NR3C2: variants seen among roughly 807,000 people sequenced by gnomAD.
NR3C2 encodes the protein nuclear receptor subfamily 3 group C member 2, also known as mineralocorticoid receptor.
In NR3C2, 15 loss-of-function variants were observed where a neutral mutation model predicts 86.4. The observed-to-expected ratio is 0.17, with a 90% CI of 0.12 to 0.27. The LOEUF (loss-of-function observed/expected upper bound fraction) is 0.27. NR3C2 is among the 10% of genes least tolerant of loss of function. NR3C2 has a pLI of 1.00. For missense variants in NR3C2, 960 were observed against 1,195.6 expected (o/e 0.80, Z 2.91); for synonymous variants, 458 against 450.5 (o/e 1.02, Z -0.21).
chr4:148,223,128 C>A (rs924370521), intron 3 of NR3C2, among the ~76,000 whole-genome samples: 1 of 152,242 alleles, frequency 6.6e-6, no homozygotes, highest in South Asian at 2.1e-4. Flanking sequence ...GGTTCCAGCT[C>A]CACTTTCCAA....
intron 2 of NR3C2, among the ~76,000 whole-genome samples, chr4:148,315,317 C>T (rs1299993411): frequency 6.6e-6 from 1 of 152,086 alleles, no homozygotes; most frequent in East Asian, 1.9e-4. Flanking sequence ...ACCTGTCATG[C>T]AAAATGATCT....
intron 3 of NR3C2, among the ~76,000 whole-genome samples, chr4:148,257,421 T>C (rs905561804): frequency 2.0e-5 from 3 of 152,112 alleles, no homozygotes; most frequent in African/African-American, 7.2e-5. Context: ...TATGGCAAAA[T>C]AGCAAGGCTA....
chr4:148,226,411 G>C (rs1266160764), intron 3 of NR3C2, among the ~76,000 whole-genome samples: 1 of 152,140 alleles, frequency 6.6e-6, no homozygotes, highest in African/African-American at 2.4e-5. Context: ...AAGTTTTTAA[G>C]ATCTGGGTTG....
chr4:148,409,223 A>G (rs1748571074), intron 2 of NR3C2, among the ~76,000 whole-genome samples: 1 of 152,200 alleles, frequency 6.6e-6, no homozygotes, highest in African/African-American at 2.4e-5. Flanking sequence ...AAAGCAAACT[A>G]TTCTAAAAAT....
In NR3C2 at chr4:148,397,178, T is replaced by C. The variant is rs561420556; in HGVS notation, c.1757+37926A>G. Among the ~76,000 whole-genome samples the C allele has an allele frequency of 3.3e-5, 5 of 152,294 alleles. No homozygotes were observed. In the East Asian group the frequency reaches 7.7e-4, roughly 24 times the overall value. ...GGCCAGCAAAGACCAGCCCCCACCA[T>C]TTCCCCGTGACCTGCTGTTCTGACC... On this transcript the variant is annotated intron_variant, in intron 2 of 8. Transcript: ENST00000358102.
In NR3C2 at chr4:148,435,933, C is replaced by G. The variant is rs759125719; in HGVS notation, c.928G>C (p.Val310Leu). The G allele has an allele frequency of 3.1e-6, 5 of 1,614,190 alleles. No individual in the cohort carries two copies. Among genetic ancestry groups the G allele is most frequent in the Non-Finnish European group, 1.7e-6 (2 of 1,180,030 alleles). Residue 310 changes from valine to leucine, a missense_variant, in exon 2 of 9, where the codon GTT (valine) becomes CTT (leucine). Val to Leu is a conservative substitution (Grantham distance 32). Coordinates refer to ENST00000358102, the MANE Select transcript of NR3C2 (RefSeq NM_000901.5). ...TTATTAGTGTTCGAAGGGCTGGAAACAGAGCACCTTGAGTTGTTAATATTT... is the reference window on the plus strand; with the variant it reads ...TTATTAGTGTTCGAAGGGCTGGAAAGAGAGCACCTTGAGTTGTTAATATTT... ...PANINNSRCS[V>L]SSPSNTNNRS...
intron 4 of NR3C2, among the ~76,000 whole-genome samples, chr4:148,193,328 G>C (rs930751753): frequency 1.3e-5 from 2 of 152,206 alleles, no homozygotes; most frequent in African/African-American, 4.8e-5. Context: ...ACAGTAACTG[G>C]GGTGTCTCCC....
At chr4:148,272,153 T>G (rs756408056) in intron 2 of NR3C2, among the ~76,000 whole-genome samples, 38 of 152,184 alleles carry the variant, frequency 2.5e-4, no homozygotes, top group Non-Finnish European at 4.0e-4. Context: ...TATTCTAGTA[T>G]GAGGGAATAG....
rs1743720028 is a variant in NR3C2, at chr4:148,323,139, T to C, written c.1758-63022A>G. Among the ~76,000 whole-genome samples the C allele has an allele frequency of 4.7e-5, 7 of 150,160 alleles. 1 individual carries two copies. The South Asian group carries it at 1.3e-3, about 28-fold the overall frequency. ...GCAGGTCTGTTGGAATACCCTGCCC[T>C]GTGAGGTGTCAGTGTGCCTCTGCTG... On this transcript the variant is annotated intron_variant, in intron 2 of 8. Coordinates refer to ENST00000358102, the MANE Select transcript of NR3C2 (RefSeq NM_000901.5).
At chr4:148,382,125 T>C (rs755402964) in intron 2 of NR3C2, among the ~76,000 whole-genome samples, 1 of 152,222 alleles carries the variant, frequency 6.6e-6, no homozygotes, top group Non-Finnish European at 1.5e-5. Flanking sequence ...CATGGCTGAC[T>C]GAGGACAAGG....
At chr4:148,111,857 G>T (rs1732061011) in intron 8 of NR3C2, among the ~76,000 whole-genome samples, 1 of 152,300 alleles carries the variant, frequency 6.6e-6, no homozygotes, top group African/African-American at 2.4e-5. Flanking sequence ...TTGAAGGAAG[G>T]CTGGAGAAAA....
intron 2 of NR3C2, among the ~76,000 whole-genome samples, chr4:148,284,101 G>T (rs1011147797): frequency 6.6e-6 from 1 of 152,184 alleles, no homozygotes; most frequent in Non-Finnish European, 1.5e-5. Flanking sequence ...AATGGAGCAC[G>T]CAGGAGGTCT....
At chr4:148,280,471 A>G (rs565719861) in intron 2 of NR3C2, among the ~76,000 whole-genome samples, 2 of 152,300 alleles carry the variant, frequency 1.3e-5, no homozygotes, top group South Asian at 4.2e-4. Flanking sequence ...ACATTGCCTT[A>G]GCATATCAAG....
chr4:148,183,495 CT>C (rs1476852820), intron 4 of NR3C2, among the ~76,000 whole-genome samples: 1 of 152,140 alleles, frequency 6.6e-6, no homozygotes, highest in South Asian at 2.1e-4. Context: ...TGTTTCCTGA[CT>C]TTTTAATGAT....
chr4:148,345,829 A>G (rs967452445), intron 2 of NR3C2, among the ~76,000 whole-genome samples: 2 of 152,104 alleles, frequency 1.3e-5, no homozygotes, highest in African/African-American at 4.8e-5. Flanking sequence ...CACACTACAC[A>G]TATGGTAGAG....
intron 4 of NR3C2, among the ~76,000 whole-genome samples, chr4:148,192,474 C>T (rs898344571): frequency 3.3e-5 from 5 of 152,166 alleles, no homozygotes; most frequent in Admixed American, 2.6e-4. Flanking sequence ...CAGGAAGTGG[C>T]AATTTCCAGA....
chr4:148,379,898 C>G (rs1269464784), intron 2 of NR3C2, among the ~76,000 whole-genome samples: 1 of 152,020 alleles, frequency 6.6e-6, no homozygotes, highest in Non-Finnish European at 1.5e-5. Context: ...TCCTCTATCC[C>G]CACCTAATTT....
chr4:148,146,579 T>C (rs1040129188), intron 6 of NR3C2: 2 of 152,198 alleles, frequency 1.3e-5, no homozygotes, highest in Admixed American at 1.3e-4. Context: ...TGATAAGAAG[T>C]AGCCGATGGC....
chr4:148,130,794 T>TTTTTTG (rs1732987903), intron 6 of NR3C2, among the ~76,000 whole-genome samples: 1 of 114,314 alleles, frequency 8.7e-6, no homozygotes, highest in African/African-American at 3.4e-5. Context: ...CACGTTTTTT[T>TTTTTTG]TTTTGTTTTG....
Sources: gnomAD v4.1 joint callset for allele counts (sites outside exome capture counted in the v4.1 genomes callset) on GRCh38, gnomAD v4.1.1 for gene constraint, MANE v1.5 for transcripts, NCBI Gene and HGNC (gene_info 2026-07-23, HGNC 2026-07-21) for gene names.